Variants in ENTREP2 observed in about 807,000 individuals in gnomAD.
ENTREP2 encodes the protein protein ENTREP2.
chr15:29,607,841 C>T, the ENTREP2 span, among the ~76,000 whole-genome samples: 117,740 of 151,486 alleles, frequency 0.78, 46,183 homozygotes, highest in Admixed American at 0.85. Flanking sequence ...GACAGACAGA[C>T]AGATAGATAG....
chr15:29,671,923 G>C, the ENTREP2 span, among the ~76,000 whole-genome samples: 2 of 152,358 alleles, frequency 1.3e-5, no homozygotes, highest in Non-Finnish European at 2.9e-5. Flanking sequence ...AGAATTGGCA[G>C]TGGGCACAGC....
At chr15:29,567,236 C>T in the ENTREP2 span, among the ~76,000 whole-genome samples, 3 of 152,212 alleles carry the variant, frequency 2.0e-5, no homozygotes, top group African/African-American at 7.2e-5. Context: ...CCAGGCCTGA[C>T]ACCCACCCCT....
chr15:29,644,077 TATAC>T, the ENTREP2 span, among the ~76,000 whole-genome samples: 1 of 151,270 alleles, frequency 6.6e-6, no homozygotes, highest in Non-Finnish European at 1.5e-5. Context: ...TAAAATGTGG[TATAC>T]ATTTTACTGG....
chr15:29,349,106 C>A, the ENTREP2 span, among the ~76,000 whole-genome samples: 1 of 152,176 alleles, frequency 6.6e-6, no homozygotes, highest in Non-Finnish European at 1.5e-5. Flanking sequence ...TCTTTCCAGA[C>A]CCCCCGAAAG....
At chr15:29,192,771 C>T in the ENTREP2 span, among the ~76,000 whole-genome samples, 1 of 152,082 alleles carries the variant, frequency 6.6e-6, no homozygotes, top group African/African-American at 2.4e-5. Context: ...GAAAAAATGA[C>T]CAAGTGGGGT....
At chr15:29,584,895 T>A in the ENTREP2 span, among the ~76,000 whole-genome samples, 1 of 152,202 alleles carries the variant, frequency 6.6e-6, no homozygotes, top group Non-Finnish European at 1.5e-5. Flanking sequence ...ATAATGTATA[T>A]GTATATCAAG....
At chr15:29,354,565 G>C in the ENTREP2 span, among the ~76,000 whole-genome samples, 2 of 152,136 alleles carry the variant, frequency 1.3e-5, no homozygotes, top group Admixed American at 1.3e-4. Flanking sequence ...GGGTGGGAGA[G>C]GGCCTGGCTC....
the ENTREP2 span, among the ~76,000 whole-genome samples, chr15:29,497,980 T>C: frequency 6.6e-6 from 1 of 152,192 alleles, no homozygotes; most frequent in Non-Finnish European, 1.5e-5. Context: ...TGTGTCCCCA[T>C]GCAAATCTTA....
the ENTREP2 span, among the ~76,000 whole-genome samples, chr15:29,387,779 C>T: frequency 3.3e-5 from 5 of 152,002 alleles, no homozygotes; most frequent in African/African-American, 1.2e-4. Context: ...GAGATACAGA[C>T]CAATGGAACA....
chr15:29,657,144 TTCCGGCCATTC>T, the ENTREP2 span, among the ~76,000 whole-genome samples: 1 of 152,050 alleles, frequency 6.6e-6, no homozygotes, highest in African/African-American at 2.4e-5. Flanking sequence ...GCCTCCCCCG[TTCCGGCCATTC>T]TCCTGCCTCC....
At chr15:29,191,856 G>A in the ENTREP2 span, among the ~76,000 whole-genome samples, 1 of 152,190 alleles carries the variant, frequency 6.6e-6, no homozygotes, top group African/African-American at 2.4e-5. Context: ...TGAGGCTGCA[G>A]TGAGCCGTGA....
chr15:29,474,158 C>T, the ENTREP2 span, among the ~76,000 whole-genome samples: 3 of 152,164 alleles, frequency 2.0e-5, no homozygotes, highest in Admixed American at 2.0e-4. Flanking sequence ...CAGTGCCCAT[C>T]CTGCTACCTC....
At chr15:29,181,643 G>A in the ENTREP2 span, among the ~76,000 whole-genome samples, 10 of 151,998 alleles carry the variant, frequency 6.6e-5, no homozygotes, top group Admixed American at 5.2e-4. Flanking sequence ...GTAGTTTCAT[G>A]TATATTCACT....
the ENTREP2 span, among the ~76,000 whole-genome samples, chr15:29,621,396 G>A: frequency 8.6e-5 from 13 of 151,282 alleles, no homozygotes; most frequent in East Asian, 5.9e-4. Flanking sequence ...GGTGGCGGGC[G>A]CCTGTAGTCC....
the ENTREP2 span, among the ~76,000 whole-genome samples, chr15:29,402,828 T>C: frequency 2.0e-5 from 3 of 152,184 alleles, no homozygotes; most frequent in Non-Finnish European, 4.4e-5. Flanking sequence ...CCATGGTTGA[T>C]ACACAACAGA....
At chr15:29,642,191 AAAG>A in the ENTREP2 span, among the ~76,000 whole-genome samples, 2 of 152,134 alleles carry the variant, frequency 1.3e-5, no homozygotes, top group Non-Finnish European at 2.9e-5. Flanking sequence ...ACATTTTGGA[AAAG>A]AAGAACAAAT....
chr15:29,437,144 T>A, the ENTREP2 span, among the ~76,000 whole-genome samples: 3,469 of 152,292 alleles, frequency 0.023, 140 homozygotes, highest in African/African-American at 0.079. Context: ...CTCCCACTAG[T>A]GCAAAAGGCC....
At chr15:29,237,675 G>A in the ENTREP2 span, among the ~76,000 whole-genome samples, 1 of 152,206 alleles carries the variant, frequency 6.6e-6, no homozygotes, top group South Asian at 2.1e-4. Flanking sequence ...TGGCAAGGAT[G>A]TAGAGAAACT....
the ENTREP2 span, among the ~76,000 whole-genome samples, chr15:29,372,705 T>C: frequency 6.6e-6 from 1 of 152,178 alleles, no homozygotes; most frequent in Non-Finnish European, 1.5e-5. Flanking sequence ...AAATAATATG[T>C]GAAAATAAGT....
Sources: allele counts gnomAD v4.1 joint callset (sites outside exome capture counted in the v4.1 genomes callset), GRCh38; gene constraint gnomAD v4.1.1; transcripts MANE v1.5; gene names NCBI Gene and HGNC (gene_info 2026-07-23, HGNC 2026-07-21).